NCALD: variants seen among roughly 807,000 people sequenced by gnomAD.
NCALD encodes the protein neurocalcin-delta.
Under a neutral mutation model 18.6 loss-of-function variants are expected in NCALD, and 10 were observed. The observed-to-expected ratio is 0.54, with a 90% CI of 0.33 to 0.91. The LOEUF (loss-of-function observed/expected upper bound fraction) is 0.91, where lower values mean the gene tolerates loss of function less well. Ranked by LOEUF, NCALD falls within the 40% of genes least tolerant of loss-of-function variation. The probability of loss-of-function intolerance (pLI) is 0.03; values close to 1 mark genes in which losing one functional copy is unlikely to be tolerated. For synonymous variants in NCALD, 88 were observed against 87.4 expected, an observed-to-expected ratio of 1.01 and a Z score of -0.04; for missense variants, 184 against 247.6, an observed-to-expected ratio of 0.74 and a Z score of 1.72.
chr8:101,786,236 CTG>C (rs1172834980), intron 1 of NCALD, among the ~76,000 whole-genome samples: 1 of 152,150 alleles, frequency 6.6e-6, no homozygotes, highest in Non-Finnish European at 1.5e-5. Flanking sequence ...GCATGAAAGA[CTG>C]AATGTTTGAA....
chr8:101,996,483 T>C (rs1821244029), intron 2 of NCALD, among the ~76,000 whole-genome samples: 1 of 152,256 alleles, frequency 6.6e-6, no homozygotes, highest in Admixed American at 6.5e-5. Context: ...CCATAGCTGT[T>C]GCTCACAACA....
At chr8:102,079,718 C>T (rs1038855344) in intron 1 of NCALD, among the ~76,000 whole-genome samples, 5 of 152,200 alleles carry the variant, frequency 3.3e-5, no homozygotes, top group African/African-American at 9.6e-5. Flanking sequence ...TCTCACGCAC[C>T]TCCCACAGCT....
chr8:101,692,185 T>C (rs1814759292), intron 3 of NCALD: 1 of 985,340 alleles, frequency 1.0e-6, no homozygotes, highest in South Asian at 4.7e-5. Flanking sequence ...AAGTTGGAAA[T>C]GCAACCTTCT....
intron 4 of NCALD, among the ~76,000 whole-genome samples, chr8:101,825,555 G>GACCCA (rs1695691683): frequency 6.6e-6 from 1 of 152,178 alleles, no homozygotes; most frequent in African/African-American, 2.4e-5. Flanking sequence ...TTAGGAATTG[G>GACCCA]ACAGAAATCA....
At chr8:101,995,302 C>A (rs187147274) in intron 2 of NCALD, among the ~76,000 whole-genome samples, 29 of 152,290 alleles carry the variant, frequency 1.9e-4, no homozygotes, top group Admixed American at 2.6e-4. Flanking sequence ...CCATGACATG[C>A]AAAACAAACT....
chr8:102,027,861 G>A lies in NCALD; in HGVS notation c.-209-7572C>T, dbSNP rs150794007. ...ACAGTGGCAGGAAGGGGAAGTATGA[G>A]CAAAAGGTGGGAAAAGCCCCTGATA... is the stretch of plus-strand genomic sequence containing the variant. On this transcript the variant is annotated intron_variant, in intron 1 of 6. Transcript: ENST00000311028. Among the ~76,000 whole-genome samples, 757 of 152,268 alleles carry A rather than the reference G, an allele frequency of 5.0e-3. 4 individuals are homozygous for A. The highest frequency in any genetic ancestry group is 4.6e-3 in the Non-Finnish European group (311 of 68,020).
rs533222245 is a variant in NCALD, at chr8:102,117,598, T to C, written c.-210+6639A>G. On this transcript the variant is annotated intron_variant, in intron 1 of 6. Coordinates refer to the NCALD transcript ENST00000311028. Reference sequence around the variant, plus strand: ...CAGCCAGGTGACACTGTCAACTCCGTTGGCACTTTCAACTCAAAAAAAAAA... The same window carrying C: ...CAGCCAGGTGACACTGTCAACTCCGCTGGCACTTTCAACTCAAAAAAAAAA... 1.2e-3 allele frequency among the ~76,000 whole-genome samples: 172 copies of C among 149,172 alleles called. No homozygotes were observed. The Middle Eastern group carries it at 0.014, about 12-fold the overall frequency.
chr8:102,123,300 T>C (rs1221891124), intron 1 of NCALD, among the ~76,000 whole-genome samples: 1 of 152,126 alleles, frequency 6.6e-6, no homozygotes, highest in Non-Finnish European at 1.5e-5. Flanking sequence ...AACATAGACC[T>C]TCTTGCGGGG....
intron 4 of NCALD, among the ~76,000 whole-genome samples, chr8:101,820,966 T>A (rs750733644): frequency 2.6e-5 from 4 of 152,184 alleles, no homozygotes; most frequent in Non-Finnish European, 5.9e-5. Context: ...AGAAAACTCA[T>A]GGTAAGTAAA....
intron 4 of NCALD, among the ~76,000 whole-genome samples, chr8:101,838,425 T>A (rs1814502645): frequency 6.6e-6 from 1 of 152,202 alleles, no homozygotes; most frequent in Non-Finnish European, 1.5e-5. Flanking sequence ...TTTCACCATG[T>A]TGGCCAGGAT....
chr8:101,858,163 T>G (rs1045021600), intron 4 of NCALD, among the ~76,000 whole-genome samples: 3 of 151,674 alleles, frequency 2.0e-5, no homozygotes, highest in Non-Finnish European at 4.4e-5. Context: ...ATGTAAAAAT[T>G]TACACACATA....
chr8:101,939,906 C>T (rs556308855), intron 2 of NCALD, among the ~76,000 whole-genome samples: 2 of 152,314 alleles, frequency 1.3e-5, no homozygotes, highest in South Asian at 4.2e-4. Context: ...TAGTAAGTGG[C>T]CATGTGATCA....
chr8:102,115,037 C>A (rs1479218675), intron 1 of NCALD, among the ~76,000 whole-genome samples: 1 of 152,246 alleles, frequency 6.6e-6, no homozygotes, highest in Non-Finnish European at 1.5e-5. Flanking sequence ...CTCAGCAGGG[C>A]CCCATGCTGG....
chr8:101,738,102 G>A (rs975682060), intron 1 of NCALD, among the ~76,000 whole-genome samples: 4 of 152,146 alleles, frequency 2.6e-5, no homozygotes, highest in African/African-American at 9.7e-5. Context: ...GGGAAACTGA[G>A]ACTTTCTTTA....
At chr8:102,066,655 G>A (rs760097706) in intron 1 of NCALD, among the ~76,000 whole-genome samples, 2 of 152,224 alleles carry the variant, frequency 1.3e-5, no homozygotes, top group Non-Finnish European at 2.9e-5. Flanking sequence ...CAAGGCAGGT[G>A]TGTGCCCACA....
At chr8:101,972,873 T>G (rs1820291895) in intron 2 of NCALD, among the ~76,000 whole-genome samples, 1 of 152,170 alleles carries the variant, frequency 6.6e-6, no homozygotes, top group Non-Finnish European at 1.5e-5. Flanking sequence ...AAGCTGGATC[T>G]GGACTGAGGA....
At chr8:102,002,238 T>C (rs1821502608) in intron 2 of NCALD, among the ~76,000 whole-genome samples, 1 of 152,128 alleles carries the variant, frequency 6.6e-6, no homozygotes, top group Non-Finnish European at 1.5e-5. Flanking sequence ...TAGTCTCTAA[T>C]AAAACAGAAT....
At chr8:101,723,493 C>T (rs149187086) in intron 1 of NCALD, among the ~76,000 whole-genome samples, 1 of 152,202 alleles carries the variant, frequency 6.6e-6, no homozygotes, top group East Asian at 1.9e-4. Flanking sequence ...TTACACTCTC[C>T]TATACTATCA....
At chr8:101,919,719 G>A (rs1396527159) in intron 2 of NCALD, among the ~76,000 whole-genome samples, 1 of 151,150 alleles carries the variant, frequency 6.6e-6, no homozygotes, top group Non-Finnish European at 1.5e-5. Flanking sequence ...GGCAAAAAAT[G>A]TGAACAGACA....
Sources: allele counts gnomAD v4.1 joint callset (sites outside exome capture counted in the v4.1 genomes callset), GRCh38; gene constraint gnomAD v4.1.1; transcripts MANE v1.5; gene names NCBI Gene and HGNC (gene_info 2026-07-23, HGNC 2026-07-21).